Variants in WDR25 observed in about 807,000 individuals in gnomAD.
WDR25 encodes WD repeat-containing protein 25.
WDR25 carries 35 observed loss-of-function variants against 47.7 expected under a neutral mutation model. The ratio of observed to expected loss-of-function variants is 0.73; its 90% CI spans 0.56 to 0.97. The LOEUF (loss-of-function observed/expected upper bound fraction) is 0.97. Among genes scored for constraint, WDR25 ranks in the 50% least tolerant of loss-of-function variants. The pLI is 0.00. For missense variants in WDR25, 634 were observed against 704.7 expected, an observed-to-expected ratio of 0.90 and a Z score of 1.14; for synonymous variants, 248 against 278.9, an observed-to-expected ratio of 0.89 and a Z score of 1.10.
At chr14:100,406,656 CTG>C (rs1897546681) in intron 2 of WDR25, 1 of 152,284 alleles carries the variant, frequency 6.6e-6, no homozygotes, top group African/African-American at 2.4e-5. Flanking sequence ...ATTTTGCTCC[CTG>C]TGCCTCTTCA....
chr14:100,454,592 A>G (rs1899142046), intron 2 of WDR25: 1 of 501,460 alleles, frequency 2.0e-6, no homozygotes, highest in South Asian at 1.6e-5. Context: ...ACAGACGTCT[A>G]CCCTCCAAAG....
At chr14:100,495,427 A>T (rs73351015) in intron 4 of WDR25, among the ~76,000 whole-genome samples, 10,647 of 152,268 alleles carry the variant, frequency 0.07, 1,218 homozygotes, top group African/African-American at 0.24. Context: ...TGGAAACATA[A>T]GGGGATTTTC....
chr14:100,416,884 A>G (rs1897884433), intron 2 of WDR25, among the ~76,000 whole-genome samples: 1 of 152,192 alleles, frequency 6.6e-6, no homozygotes, highest in Non-Finnish European at 1.5e-5. Flanking sequence ...CACAGTCATG[A>G]GGTACTTGAT....
At chr14:100,447,015 A>C (rs1898858441) in intron 2 of WDR25, among the ~76,000 whole-genome samples, 1 of 152,230 alleles carries the variant, frequency 6.6e-6, no homozygotes, top group African/African-American at 2.4e-5. Flanking sequence ...GTTAAACTTT[A>C]ATAGGTAAGA....
Position 100,468,191 on chromosome 14 carries a change from C to A in WDR25, c.970+23C>A. On this transcript the variant is annotated intron_variant, in intron 3 of 6. Coordinates refer to ENST00000402312, the MANE Select transcript of WDR25 (RefSeq NM_001161476.3). The surrounding 1 kb of genome is among the most constrained non-coding windows in gnomAD (Gnocchi z 4.5). ...CAGGTGCGTTTCTTGTGTCACCTCCCTGAGGTGAGCTGGCAGCTCTCTCCC... is the reference window on the plus strand; with the variant it reads ...CAGGTGCGTTTCTTGTGTCACCTCCATGAGGTGAGCTGGCAGCTCTCTCCC... The A allele has an allele frequency of 6.3e-7, 1 of 1,598,938 alleles. No homozygotes were observed.
At chr14:100,495,266 A>G (rs190022548) in intron 4 of WDR25, among the ~76,000 whole-genome samples, 84 of 152,342 alleles carry the variant, frequency 5.5e-4, no homozygotes, top group African/African-American at 1.9e-3. Context: ...CTGAGGCAGG[A>G]TAATGGTTTG....
rs1318931273 is a variant in WDR25, at chr14:100,525,188, G to C, written c.1102-682G>C. On this transcript the variant is annotated intron_variant, in intron 4 of 6. Coordinates refer to ENST00000402312, the MANE Select transcript of WDR25 (RefSeq NM_001161476.3). This position sits in a 1 kb window ranked among gnomAD's most constrained non-coding sequence, Gnocchi z 4.6. ...TTAAGTGGAGCTACTTGCTGGTCCTGGTACTGGGACCCTTCTCCATCCCCT... is the reference window on the plus strand; with the variant it reads ...TTAAGTGGAGCTACTTGCTGGTCCTCGTACTGGGACCCTTCTCCATCCCCT... 1.3e-5 allele frequency among the ~76,000 whole-genome samples: 2 copies of C among 152,158 alleles called. No individual in the cohort carries two copies. Among genetic ancestry groups the C allele is most frequent in the Admixed American group, 1.3e-4 (2 of 15,282 alleles).
In WDR25 at chr14:100,525,328, A is replaced by G. The variant is rs902606652; in HGVS notation, c.1102-542A>G. ...TTTATGAGACAGCAGACTGTGAAGT[A>G]TCGGTGATGATGCTAAAACAATACA... On this transcript the variant is annotated intron_variant, in intron 4 of 6. Coordinates refer to ENST00000402312, the MANE Select transcript of WDR25 (RefSeq NM_001161476.3). This position sits in a 1 kb window ranked among gnomAD's most constrained non-coding sequence, Gnocchi z 4.6. Among the ~76,000 whole-genome samples the G allele has an allele frequency of 6.6e-6, 1 of 152,264 alleles. No individual in the cohort carries two copies. Among genetic ancestry groups the G allele is most frequent in the Non-Finnish European group, 1.5e-5 (1 of 68,044 alleles).
intron 4 of WDR25, among the ~76,000 whole-genome samples, chr14:100,509,249 T>G (rs1410976135): frequency 6.6e-6 from 1 of 152,236 alleles, no homozygotes; most frequent in Non-Finnish European, 1.5e-5. Context: ...AAATTAACTA[T>G]GTGTAACGTG....
chr14:100,520,597 G>A (rs2029867892), intron 4 of WDR25, among the ~76,000 whole-genome samples: 2 of 152,142 alleles, frequency 1.3e-5, no homozygotes, highest in Admixed American at 6.5e-5. Context: ...CTGCTTTTGC[G>A]ACTTTAAACC....
rs546766192 is a variant in WDR25 at position 100,498,333 on chromosome 14, G to A, written c.1101+14209G>A. On this transcript the variant is annotated intron_variant, in intron 4 of 6. Coordinates refer to ENST00000402312, the MANE Select transcript of WDR25 (RefSeq NM_001161476.3). The surrounding 1 kb of genome is among the most constrained non-coding windows in gnomAD (Gnocchi z 4.2). Reference sequence around the variant, plus strand: ...TCCGTAACAAGCGGGCCATTGCCACGCCCAGTTCAGAAGGGAGATGAGGAG... The same window carrying A: ...TCCGTAACAAGCGGGCCATTGCCACACCCAGTTCAGAAGGGAGATGAGGAG... Among the ~76,000 whole-genome samples, 2 of 152,312 alleles carry A rather than the reference G, an allele frequency of 1.3e-5. No individual in the cohort carries two copies. Among genetic ancestry groups the A allele is most frequent in the South Asian group, 4.1e-4 (2 of 4,824 alleles).
At chr14:100,401,166 G>A (rs762736601) in intron 2 of WDR25, among the ~76,000 whole-genome samples, 1 of 152,140 alleles carries the variant, frequency 6.6e-6, no homozygotes. Context: ...CCTCCGGGGC[G>A]CGTCGGCGGC....
chr14:100,382,202 C>G, intron 2 of WDR25: 2 of 702,870 alleles, frequency 2.8e-6, no homozygotes, highest in Non-Finnish European at 5.2e-6. Context: ...AGGCGGGAGC[C>G]GTGGACAAGT....
chr14:100,486,347 C>T (rs1027877542), intron 4 of WDR25, among the ~76,000 whole-genome samples: 1 of 152,184 alleles, frequency 6.6e-6, no homozygotes, highest in Non-Finnish European at 1.5e-5. Context: ...TCTGAAAATG[C>T]TGGGGGAGAA....
At position 100,387,344 on chromosome 14, in the gene WDR25, C is replaced by T. The variant is rs567470268; in HGVS notation, c.822+5598C>T. Among the ~76,000 whole-genome samples the T allele has an allele frequency of 3.9e-5, 6 of 152,168 alleles. No individual in the cohort carries two copies. In the East Asian group the frequency reaches 5.8e-4, roughly 15 times the overall value. On this transcript the variant is annotated intron_variant, in intron 2 of 6. Coordinates refer to ENST00000402312, the MANE Select transcript of WDR25 (RefSeq NM_001161476.3). Reference sequence around the variant, plus strand: ...TGTCTCTATGCACACGTTTTTAAAGCGTTTCAATCTCAGTGTTCTTGAGAT... The same window carrying T: ...TGTCTCTATGCACACGTTTTTAAAGTGTTTCAATCTCAGTGTTCTTGAGAT...
rs1261035398 is a variant in WDR25 at position 100,530,089 on chromosome 14, C to T, written c.*48C>T. 6.4e-7 allele frequency: 1 copy of T among 1,561,332 alleles called. No homozygotes were observed. Among genetic ancestry groups the T allele is most frequent in the Non-Finnish European group, 8.7e-7 (1 of 1,148,142 alleles). On this transcript the variant is annotated 3_prime_UTR_variant, in exon 7 of 7. Coordinates refer to ENST00000402312, the MANE Select transcript of WDR25 (RefSeq NM_001161476.3). ...CGATGCCAGCTGGGCTCTTGGACTC[C>T]CCTCTTCCTCAAGGGTAGATGAGAG...
intron 4 of WDR25, among the ~76,000 whole-genome samples, chr14:100,504,228 C>T (rs59401128): frequency 1.3e-5 from 2 of 152,072 alleles, no homozygotes; most frequent in South Asian, 4.1e-4. Context: ...TAATATCATC[C>T]ACTCTCTAAT....
chr14:100,501,582 G>A (rs549158270), intron 4 of WDR25, among the ~76,000 whole-genome samples: 40 of 152,330 alleles, frequency 2.6e-4, no homozygotes, highest in African/African-American at 8.7e-4. Flanking sequence ...ATTTTTTAAA[G>A]GGAGAAGTGA....
At chr14:100,514,040 A>G (rs1334883003) in intron 4 of WDR25, among the ~76,000 whole-genome samples, 1 of 150,162 alleles carries the variant, frequency 6.7e-6, no homozygotes, top group Non-Finnish European at 1.5e-5. Context: ...GGTTCACGCC[A>G]TTCTCCTGCC....
Sources: allele counts gnomAD v4.1 joint callset (sites outside exome capture counted in the v4.1 genomes callset), GRCh38; gene constraint gnomAD v4.1.1; non-coding constraint Gnocchi (gnomAD v3.1); transcripts MANE v1.5; gene names NCBI Gene and HGNC (gene_info 2026-07-23, HGNC 2026-07-21).